The following DLG2 variants were observed in gnomAD, a reference collection of about 807,000 sequenced individuals.
The protein encoded by DLG2 is discs large MAGUK scaffold protein 2, also known as disks large homolog 2.
DLG2 carries 45 observed loss-of-function variants against 132.5 expected under a neutral mutation model. The observed-to-expected ratio is 0.34, with a 90% CI of 0.27 to 0.44. DLG2 has a LOEUF of 0.44. DLG2 is among the 20% of genes least tolerant of loss of function. The pLI, the probability that DLG2 is intolerant of heterozygous loss-of-function variation, is 1.00. For missense variants in DLG2, 1,045 were observed against 1,196.9 expected, an observed-to-expected ratio of 0.87 and a Z score of 1.87; for synonymous variants, 424 against 419.6, an observed-to-expected ratio of 1.01 and a Z score of -0.13.
intron 6 of DLG2, among the ~76,000 whole-genome samples, chr11:84,780,525 G>A (rs1423569969): frequency 6.6e-6 from 1 of 152,038 alleles, no homozygotes; most frequent in Non-Finnish European, 1.5e-5. Context: ...AACTTTATAA[G>A]AAACTGCCAA....
chr11:83,481,357 T>G (rs1259387999), intron 22 of DLG2, among the ~76,000 whole-genome samples: 2 of 151,898 alleles, frequency 1.3e-5, no homozygotes, highest in Admixed American at 1.3e-4. Flanking sequence ...TCTATGAACT[T>G]ATTTGTATAT....
intron 6 of DLG2, among the ~76,000 whole-genome samples, chr11:84,673,823 TC>T (rs1213730624): frequency 1.3e-5 from 2 of 151,910 alleles, no homozygotes; most frequent in Admixed American, 1.3e-4. Context: ...TCATCTATTA[TC>T]CTATACCTGT....
intron 4 of DLG2, among the ~76,000 whole-genome samples, chr11:85,255,117 T>C (rs190766010): frequency 4.2e-4 from 64 of 152,278 alleles, no homozygotes; most frequent in African/African-American, 1.5e-3. Flanking sequence ...TTTTGCTCTA[T>C]AAGTCATCCA....
rs2099096934 is a variant in DLG2 at position 84,467,251 on chromosome 11, T to C, written c.519+67319A>G. On this transcript the variant is annotated intron_variant, in intron 7 of 27. Coordinates refer to ENST00000376104, the MANE Select transcript of DLG2 (RefSeq NM_001142699.3). ...AGTATCAAAAAGAATGATAACGCTT[T>C]TTTAAAAATTGAGAATCATTTGTCA... Among the ~76,000 whole-genome samples the C allele has an allele frequency of 2.0e-5, 3 of 151,534 alleles. No individual in the cohort carries two copies. In the South Asian group the frequency reaches 6.2e-4, roughly 31 times the overall value.
intron 4 of DLG2, among the ~76,000 whole-genome samples, chr11:85,206,799 C>T (rs971120636): frequency 6.6e-6 from 1 of 152,200 alleles, no homozygotes; most frequent in Middle Eastern, 3.4e-3. Context: ...TGCCACTGCA[C>T]TCCAGCCTGG....
Position 83,761,170 on chromosome 11 carries a change from A to T in DLG2, c.1825+25520T>A, listed in dbSNP as rs542252376. On this transcript the variant is annotated intron_variant, in intron 18 of 27. Coordinates refer to ENST00000376104, the MANE Select transcript of DLG2 (RefSeq NM_001142699.3). The stretch of plus-strand genomic sequence containing the variant: ...AGCAGGAGATGAGAAGCAGAATGAC[A>T]GTGAGAATGGGCATTTATTTGCTGG... Among the ~76,000 whole-genome samples the T allele has an allele frequency of 1.4e-4, 21 of 152,290 alleles. No homozygotes were observed. The South Asian group carries it at 3.9e-3, about 29-fold the overall frequency.
intron 6 of DLG2, among the ~76,000 whole-genome samples, chr11:84,968,953 C>A (rs973884570): frequency 2.6e-5 from 4 of 151,992 alleles, no homozygotes; most frequent in Non-Finnish European, 5.9e-5. Context: ...AAATAGTTCT[C>A]TGCTGGAGCA....
At chr11:84,308,041 C>T (rs59874252) in intron 7 of DLG2, among the ~76,000 whole-genome samples, 202 of 152,230 alleles carry the variant, frequency 1.3e-3, no homozygotes, top group African/African-American at 4.7e-3. Flanking sequence ...TTGCAAAGAG[C>T]GAAAGAACAA....
At chr11:84,874,964 G>A (rs938744344) in intron 6 of DLG2, among the ~76,000 whole-genome samples, 1 of 148,838 alleles carries the variant, frequency 6.7e-6, no homozygotes, top group Non-Finnish European at 1.5e-5. Context: ...ACATTATAGT[G>A]AGTCGAGATT....
At chr11:84,546,373 G>A (rs555288685) in intron 6 of DLG2, 8 of 188,838 alleles carry the variant, frequency 4.2e-5, no homozygotes, top group Non-Finnish European at 6.7e-5. Context: ...AGGCCTCCCC[G>A]GAAGCCCAAC....
intron 7 of DLG2, among the ~76,000 whole-genome samples, chr11:84,409,260 CA>C (rs2098883803): frequency 6.6e-6 from 1 of 152,184 alleles, no homozygotes; most frequent in Non-Finnish European, 1.5e-5. Flanking sequence ...GGATGAATCA[CA>C]TGCACTTCAG....
At chr11:85,374,752 A>G (rs941476342) in intron 3 of DLG2, among the ~76,000 whole-genome samples, 1 of 152,226 alleles carries the variant, frequency 6.6e-6, no homozygotes, top group African/African-American at 2.4e-5. Flanking sequence ...AGAATCTTCT[A>G]TCATTGCTGG....
rs543178319 is a variant in DLG2 at position 84,838,287 on chromosome 11, G to A, written c.357+273374C>T. ...AGCTATTTACTAGGAGTTCCAAGAG[G>A]AGGTCTTATGTCTGCCTCAGAAAAT... On this transcript the variant is annotated intron_variant, in intron 6 of 27. Transcript: ENST00000376104. 4.0e-5 allele frequency among the ~76,000 whole-genome samples: 6 copies of A among 151,886 alleles called. No homozygotes were observed. In the South Asian group the frequency reaches 1.2e-3, roughly 32 times the overall value.
intron 11 of DLG2, among the ~76,000 whole-genome samples, chr11:84,009,769 T>A (rs2094781308): frequency 6.6e-6 from 1 of 152,088 alleles, no homozygotes. Context: ...TACTATATGC[T>A]AGGTACAAAG....
chr11:83,739,658 G>A (rs186475625), intron 18 of DLG2, among the ~76,000 whole-genome samples: 2 of 152,248 alleles, frequency 1.3e-5, no homozygotes, highest in East Asian at 3.9e-4. Flanking sequence ...AGATTTCCCA[G>A]AAGATAAAGT....
chr11:84,483,946 C>T (rs566325909), intron 7 of DLG2, among the ~76,000 whole-genome samples: 1 of 152,178 alleles, frequency 6.6e-6, no homozygotes, highest in Non-Finnish European at 1.5e-5. Context: ...AGCTCTATTC[C>T]CTCTATTCTA....
In DLG2 at chr11:85,397,846, A is replaced by G. The variant is rs574291764; in HGVS notation, c.41-112481T>C. ...TAATAATGGGTGACTTCAACACCCC[A>G]CTGTCAATAACAGACAGATCAATGA... On this transcript the variant is annotated intron_variant, in intron 3 of 27. Coordinates refer to ENST00000376104, the MANE Select transcript of DLG2 (RefSeq NM_001142699.3). Among the ~76,000 whole-genome samples the G allele has an allele frequency of 9.8e-5, 15 of 152,302 alleles. No homozygotes were observed. The South Asian group carries it at 3.1e-3, about 32-fold the overall frequency.
chr11:84,206,125 T>C lies in DLG2; in HGVS notation c.574-42614A>G, dbSNP rs115792520. Among the ~76,000 whole-genome samples the C allele has an allele frequency of 1.7e-3, 257 of 152,156 alleles. 1 individual carries two copies. The highest frequency in any genetic ancestry group is 5.4e-3 in the African/African-American group (225 of 41,536). On this transcript the variant is annotated intron_variant, in intron 8 of 27. Transcript: ENST00000376104. ...CATCTAAGTTGCAGTTTCTTTGGCA[T>C]AGAAACTCTTTTCAATGGACACAAA...
chr11:85,450,895 C>T (rs1430690729), intron 3 of DLG2, among the ~76,000 whole-genome samples: 2 of 151,944 alleles, frequency 1.3e-5, no homozygotes, highest in African/African-American at 4.8e-5. Flanking sequence ...CTTGCTCTTC[C>T]TCCATATTTC....
Sources: gnomAD v4.1 joint callset for allele counts (sites outside exome capture counted in the v4.1 genomes callset) on GRCh38, gnomAD v4.1.1 for gene constraint, MANE v1.5 for transcripts, NCBI Gene and HGNC (gene_info 2026-07-23, HGNC 2026-07-21) for gene names.